The following PLD5 variants were observed in gnomAD, a reference collection of about 807,000 sequenced individuals.
PLD5 encodes inactive phospholipase D5.
Under a neutral mutation model 61.1 loss-of-function variants are expected in PLD5, and 36 were observed. The observed-to-expected ratio is 0.59, with a 90% CI of 0.45 to 0.78. The LOEUF (loss-of-function observed/expected upper bound fraction) is 0.78, where lower values mean the gene tolerates loss of function less well. Among genes scored for constraint, PLD5 ranks in the 30% least tolerant of loss-of-function variants. The probability of loss-of-function intolerance (pLI) is 0.00; values close to 1 mark genes in which losing one functional copy is unlikely to be tolerated. For synonymous variants in PLD5, 243 were observed against 242.8 expected, an observed-to-expected ratio of 1.00 and a Z score of -0.01; for missense variants, 515 against 644.4, an observed-to-expected ratio of 0.80 and a Z score of 2.17.
chr1:242,355,214 T>C (rs1046565826), intron 1 of PLD5, among the ~76,000 whole-genome samples: 1 of 152,212 alleles, frequency 6.6e-6, no homozygotes, highest in African/African-American at 2.4e-5. Context: ...GTTCTTTAAA[T>C]GTTTGGCAGC....
chr1:242,392,920 A>T (rs556678767), intron 1 of PLD5, among the ~76,000 whole-genome samples: 2 of 152,262 alleles, frequency 1.3e-5, no homozygotes, highest in African/African-American at 4.8e-5. Flanking sequence ...AAGTATTTTT[A>T]GGCAGGGCCG....
intron 1 of PLD5, among the ~76,000 whole-genome samples, chr1:242,497,466 C>T (rs1203278532): frequency 2.0e-5 from 3 of 152,154 alleles, no homozygotes; most frequent in African/African-American, 7.2e-5. Flanking sequence ...GTATGGGCCA[C>T]ATCCTTTGTG....
Position 242,348,236 on chromosome 1 carries a change from G to A in PLD5, c.196C>T (p.Gln66Ter). 8 of 1,584,526 alleles carry A rather than the reference G, an allele frequency of 5.0e-6. No homozygotes were observed. The highest frequency in any genetic ancestry group is 6.8e-6 in the Non-Finnish European group (8 of 1,170,414). ...RRKDKLEHSQ[Q>*]KCIVIFALVC... ...AGGGCAAAGATCACGATGCACTTCT[G>A]CTGGGACTGAAAGAGGAAACAAAGA... Residue 66 changes from glutamine to a stop codon, truncating the protein, a stop_gained, in exon 2 of 10, where the codon CAG becomes TAG. Coordinates refer to ENST00000536534, the MANE Select transcript of PLD5 (RefSeq NM_001372062.1). LOFTEE classifies it high-confidence loss of function.
chr1:242,439,395 G>A (rs925165250), intron 1 of PLD5, among the ~76,000 whole-genome samples: 1 of 152,096 alleles, frequency 6.6e-6, no homozygotes. Flanking sequence ...ATGGAGGCAC[G>A]TTCATAGGAA....
At chr1:242,276,608 T>A (rs929652395) in intron 3 of PLD5, among the ~76,000 whole-genome samples, 1 of 151,032 alleles carries the variant, frequency 6.6e-6, no homozygotes, top group African/African-American at 2.4e-5. Flanking sequence ...AGGAGAAATA[T>A]GGAATTCCTT....
intron 5 of PLD5, among the ~76,000 whole-genome samples, chr1:242,158,002 C>T (rs1182263759): frequency 1.3e-5 from 2 of 148,936 alleles, no homozygotes; most frequent in Non-Finnish European, 2.9e-5. Context: ...TCAGAGATGC[C>T]CTTCCCAGAG....
At position 242,276,986 on chromosome 1, in the gene PLD5, G is replaced by A. The variant is rs184946550; in HGVS notation, c.495+11376C>T. ...TGAATATGCTCATCATGCCAATCAC[G>A]GGCCAGGAAATAGCAAGAGATTAAT... On this transcript the variant is annotated intron_variant, in intron 3 of 9. Coordinates refer to ENST00000536534, the MANE Select transcript of PLD5 (RefSeq NM_001372062.1). Among the ~76,000 whole-genome samples the A allele has an allele frequency of 2.5e-3, 374 of 152,142 alleles. 7 individuals are homozygous for A. Among genetic ancestry groups the A allele is most frequent in the African/African-American group, 8.4e-3 (348 of 41,512 alleles).
chr1:242,479,328 T>C (rs1360119975), intron 1 of PLD5, among the ~76,000 whole-genome samples: 1 of 152,168 alleles, frequency 6.6e-6, no homozygotes, highest in African/African-American at 2.4e-5. Flanking sequence ...TAAGTAAATT[T>C]AGCAAGGTCA....
intron 5 of PLD5, among the ~76,000 whole-genome samples, chr1:242,134,412 A>G (rs1190872637): frequency 6.6e-6 from 1 of 151,408 alleles, no homozygotes; most frequent in Non-Finnish European, 1.5e-5. Flanking sequence ...ATAAATAATT[A>G]GAAAAAGAAA....
intron 3 of PLD5, among the ~76,000 whole-genome samples, chr1:242,279,362 T>C (rs1475582439): frequency 1.3e-5 from 2 of 152,158 alleles, no homozygotes; most frequent in East Asian, 3.9e-4. Context: ...TTTAGAAGTA[T>C]TGAAGCCTGG....
chr1:242,164,423 G>A (rs1387692983), intron 5 of PLD5, among the ~76,000 whole-genome samples: 1 of 151,410 alleles, frequency 6.6e-6, no homozygotes, highest in Non-Finnish European at 1.5e-5. Context: ...AAAATCTCCA[G>A]TATTGTTCTT....
At chr1:242,497,262 A>G (rs910178735) in intron 1 of PLD5, among the ~76,000 whole-genome samples, 1 of 152,228 alleles carries the variant, frequency 6.6e-6, no homozygotes, top group African/African-American at 2.4e-5. Flanking sequence ...AGTTCTTTCA[A>G]TGACACCAGA....
intron 1 of PLD5, chr1:242,377,165 G>A (rs1430434423): frequency 6.2e-7 from 1 of 1,611,612 alleles, no homozygotes; most frequent in African/African-American, 1.3e-5. Flanking sequence ...CGATGAAGAG[G>A]TGTCTGGAGA....
At chr1:242,209,456 A>T (rs959034687) in intron 5 of PLD5, 4 of 152,218 alleles carry the variant, frequency 2.6e-5, no homozygotes, top group African/African-American at 9.7e-5. Context: ...GTCCAACAGC[A>T]TGTGCTCACT....
intron 3 of PLD5, among the ~76,000 whole-genome samples, chr1:242,285,476 C>T (rs1004821345): frequency 4.6e-5 from 7 of 152,112 alleles, no homozygotes; most frequent in Non-Finnish European, 5.9e-5. Flanking sequence ...TTAGCCTCGG[C>T]AACAGAGCAA....
intron 1 of PLD5, among the ~76,000 whole-genome samples, chr1:242,431,913 C>A (rs1008535116): frequency 5.3e-5 from 8 of 152,124 alleles, no homozygotes; most frequent in Non-Finnish European, 1.2e-4. Flanking sequence ...GTATCCTAAT[C>A]CTACCGTAAG....
At chr1:242,221,393 T>A (rs975615608) in intron 4 of PLD5, among the ~76,000 whole-genome samples, 14 of 152,230 alleles carry the variant, frequency 9.2e-5, no homozygotes, top group Non-Finnish European at 1.5e-5. Context: ...CACTTCATTG[T>A]CAGAGTCTTC....
chr1:242,236,497 T>A (rs1178204078), intron 4 of PLD5, among the ~76,000 whole-genome samples: 1 of 152,022 alleles, frequency 6.6e-6, no homozygotes, highest in East Asian at 1.9e-4. Flanking sequence ...ATAAGCAATT[T>A]CTCCCATCTC....
chr1:242,500,946 C>G (rs1339306303), intron 1 of PLD5, among the ~76,000 whole-genome samples: 2 of 152,126 alleles, frequency 1.3e-5, no homozygotes, highest in African/African-American at 2.4e-5. Flanking sequence ...CACATACCAC[C>G]TAGAGTAGTA....
Sources: allele counts gnomAD v4.1 joint callset (sites outside exome capture counted in the v4.1 genomes callset), GRCh38; gene constraint gnomAD v4.1.1; transcripts MANE v1.5; gene names NCBI Gene and HGNC (gene_info 2026-07-23, HGNC 2026-07-21).